SCAF8: variants seen among roughly 807,000 people sequenced by gnomAD.
The protein encoded by SCAF8 is SR-related CTD associated factor 8.
A neutral mutation model predicts 140.5 loss-of-function variants in SCAF8; 23 were observed. The ratio of observed to expected loss-of-function variants is 0.16; its 90% CI spans 0.12 to 0.23. The LOEUF is 0.23. Ranked by LOEUF, SCAF8 falls within the 10% of genes least tolerant of loss-of-function variation. SCAF8 has a pLI of 1.00. For missense variants in SCAF8, 1,397 were observed against 1,555.7 expected, an observed-to-expected ratio of 0.90 and a Z score of 1.72; for synonymous variants, 575 against 528.9, an observed-to-expected ratio of 1.09 and a Z score of -1.20.
chr6:154,744,022 C>T (rs553139281), intron 1 of SCAF8, among the ~76,000 whole-genome samples: 18 of 152,284 alleles, frequency 1.2e-4, no homozygotes, highest in African/African-American at 2.4e-4. Context: ...TTACTGGGCA[C>T]GGTGGCTCAC....
At chr6:154,770,717 G>T (rs937170436) in intron 1 of SCAF8, among the ~76,000 whole-genome samples, 13 of 152,100 alleles carry the variant, frequency 8.5e-5, no homozygotes, top group African/African-American at 2.9e-4. Flanking sequence ...TTTCCATTTG[G>T]GCAGCAGTTG....
At chr6:154,795,353 A>T (rs971830916) in intron 6 of SCAF8, among the ~76,000 whole-genome samples, 2 of 152,202 alleles carry the variant, frequency 1.3e-5, no homozygotes, top group Non-Finnish European at 2.9e-5. Flanking sequence ...TTTATTCTGT[A>T]CCAAAATACG....
intron 9 of SCAF8, among the ~76,000 whole-genome samples, chr6:154,806,213 C>G (rs1777908970): frequency 6.6e-6 from 1 of 152,168 alleles, no homozygotes; most frequent in African/African-American, 2.4e-5. Flanking sequence ...ATTTGATAAT[C>G]TTTGACAAAA....
chr6:154,734,635 A>T (rs1443689975), intron 1 of SCAF8, among the ~76,000 whole-genome samples: 2 of 152,334 alleles, frequency 1.3e-5, no homozygotes, highest in South Asian at 4.1e-4. Context: ...TGGTTCATTC[A>T]CGTGTCAAAC....
At chr6:154,823,986 C>T (rs1778492701) in intron 16 of SCAF8, among the ~76,000 whole-genome samples, 1 of 152,100 alleles carries the variant, frequency 6.6e-6, no homozygotes, top group African/African-American at 2.4e-5. Flanking sequence ...AACTAGGTGA[C>T]CATTAGTTTA....
At chr6:154,826,361 A>T (rs1778567456) in intron 17 of SCAF8, among the ~76,000 whole-genome samples, 1 of 152,138 alleles carries the variant, frequency 6.6e-6, no homozygotes, top group South Asian at 2.1e-4. Context: ...GCCACTTTTT[A>T]AAATGTACAA....
rs760017441 is a variant in SCAF8 at position 154,820,275 on chromosome 6, G to A, written c.1734G>A (p.Val578=). The A allele has an allele frequency of 1.9e-6, 3 of 1,612,432 alleles. No homozygotes were observed. The highest frequency in any genetic ancestry group is 2.7e-5 in the African/African-American group (2 of 74,908). The stretch of plus-strand genomic sequence containing the variant: ...ATATACCATGGGAAAAAGTTAAAGT[G>A]GATGACTTGGAAGGTTTTGCAGAAG... ...VTYIPWEKVK[V]DDLEGFAEGG... is the part of the protein sequence containing the mutation. The change falls in exon 15 of 20, where the codon GTG becomes GTA. Residue 578 remains valine, a synonymous_variant. Coordinates refer to ENST00000367178, the MANE Select transcript of SCAF8 (RefSeq NM_014892.5).
chr6:154,821,098 C>T (rs894342057), intron 15 of SCAF8, among the ~76,000 whole-genome samples: 2 of 152,090 alleles, frequency 1.3e-5, no homozygotes, highest in African/African-American at 2.4e-5. Flanking sequence ...AGTGTATTCA[C>T]TTAATACATA....
chr6:154,756,172 C>G (rs1778961539), intron 1 of SCAF8, among the ~76,000 whole-genome samples: 1 of 152,136 alleles, frequency 6.6e-6, no homozygotes, highest in Non-Finnish European at 1.5e-5. Flanking sequence ...CTTTTGTGTA[C>G]AGTATTATTT....
At chr6:154,817,951 T>C (rs1778299768) in intron 13 of SCAF8, among the ~76,000 whole-genome samples, 3 of 152,200 alleles carry the variant, frequency 2.0e-5, no homozygotes, top group Admixed American at 2.0e-4. Flanking sequence ...TAAAGTTTTA[T>C]AAGACTGAAA....
Position 154,752,855 on chromosome 6 carries a change from G to A in SCAF8, c.30+18925G>A, listed in dbSNP as rs538889494. ...TCCTGCCTCAGCCTCCAGAGTAGCT[G>A]GGATTATAGGCACTTGCCACCATGC... On this transcript the variant is annotated intron_variant, in intron 1 of 19. Transcript: ENST00000367178. Among the ~76,000 whole-genome samples, 49 of 152,212 alleles carry A rather than the reference G, an allele frequency of 3.2e-4. No individual in the cohort carries two copies. In the South Asian group the frequency reaches 1.0e-2, roughly 31 times the overall value.
At chr6:154,778,637 G>A (rs1776984191) in intron 3 of SCAF8, among the ~76,000 whole-genome samples, 1 of 152,084 alleles carries the variant, frequency 6.6e-6, no homozygotes, top group Non-Finnish European at 1.5e-5. Flanking sequence ...GGTAGTGCAT[G>A]CCTGTAATCC....
chr6:154,733,392 T>G, upstream of SCAF8: 1 of 1,352,144 alleles, frequency 7.4e-7, no homozygotes, highest in East Asian at 3.1e-5. Context: ...ATCCCCGAAC[T>G]GCGCGGCCCG....
At chr6:154,819,295 T>TA (rs1778346964) in intron 14 of SCAF8, among the ~76,000 whole-genome samples, 1 of 152,190 alleles carries the variant, frequency 6.6e-6, no homozygotes, top group Admixed American at 6.5e-5. Context: ...AGATTTTTTC[T>TA]AAAATAACAG....
rs115273393 is a variant in SCAF8, at chr6:154,823,437, A to G, written c.1927-797A>G. On this transcript the variant is annotated intron_variant, in intron 16 of 19. Coordinates refer to ENST00000367178, the MANE Select transcript of SCAF8 (RefSeq NM_014892.5). ...CTCAGAATAGACTTCTGGAGTGTCT[A>G]TTGCACTGGAGGTAATGAGAAAAGA... is the stretch of plus-strand genomic sequence containing the variant. Among the ~76,000 whole-genome samples, 350 of 152,308 alleles carry G rather than the reference A, an allele frequency of 2.3e-3. 1 individual carries two copies. The highest frequency in any genetic ancestry group is 6.0e-3 in the African/African-American group (248 of 41,578).
rs536268197 is a variant in SCAF8, at chr6:154,734,637, G to C, written c.30+707G>C. ...AAACATTTCTCGCTGGTTCATTCAC[G>C]TGTCAAACAAGATTTTAAAAAGCAG... On this transcript the variant is annotated intron_variant, in intron 1 of 19. Transcript: ENST00000367178. 2.6e-5 allele frequency among the ~76,000 whole-genome samples: 4 copies of C among 152,148 alleles called. 1 individual carries two copies. The highest frequency in any genetic ancestry group is 9.7e-5 in the African/African-American group (4 of 41,432).
rs565848504 is a variant in SCAF8 at position 154,738,304 on chromosome 6, G to A, written c.30+4374G>A. 5.3e-5 allele frequency among the ~76,000 whole-genome samples: 8 copies of A among 152,250 alleles called. No homozygotes were observed. The East Asian group carries it at 1.5e-3, about 29-fold the overall frequency. On this transcript the variant is annotated intron_variant, in intron 1 of 19. Transcript: ENST00000367178. ...CAGACTTCATGCAAGATATGTATGAGTTGTTTTTGTCATGTCTACCCTCCC... is the reference window on the plus strand; with the variant it reads ...CAGACTTCATGCAAGATATGTATGAATTGTTTTTGTCATGTCTACCCTCCC...
At chr6:154,734,664 T>C (rs181683982) in intron 1 of SCAF8, among the ~76,000 whole-genome samples, 3 of 152,182 alleles carry the variant, frequency 2.0e-5, no homozygotes, top group Admixed American at 6.5e-5. Flanking sequence ...AAAAAGCAGA[T>C]TCCATTTTCA....
intron 1 of SCAF8, among the ~76,000 whole-genome samples, chr6:154,761,589 C>T (rs1583011271): frequency 6.6e-6 from 1 of 152,298 alleles, no homozygotes; most frequent in East Asian, 1.9e-4. Context: ...TTATCAAAAA[C>T]CTGATCTGGG....
Sources: allele counts gnomAD v4.1 joint callset (sites outside exome capture counted in the v4.1 genomes callset), GRCh38; gene constraint gnomAD v4.1.1; transcripts MANE v1.5; gene names NCBI Gene and HGNC (gene_info 2026-07-23, HGNC 2026-07-21).